Variants in PRKG1 observed in about 807,000 individuals in gnomAD.
PRKG1 encodes the protein cGMP-dependent protein kinase 1.
PRKG1 carries 35 observed loss-of-function variants against 88.1 expected under a neutral mutation model. That is an observed-to-expected ratio of 0.40 (90% confidence interval 0.30 to 0.53). The LOEUF (loss-of-function observed/expected upper bound fraction) is 0.53, where lower values mean the gene tolerates loss of function less well. Among genes scored for constraint, PRKG1 ranks in the 20% least tolerant of loss-of-function variants. The pLI is 0.59. For missense variants in PRKG1, 540 were observed against 839.8 expected, an observed-to-expected ratio of 0.64 and a Z score of 4.41; for synonymous variants, 303 against 292.5, an observed-to-expected ratio of 1.04 and a Z score of -0.37.
intron 1 of PRKG1, among the ~76,000 whole-genome samples, chr10:51,076,582 A>G (rs189018918): frequency 6.6e-5 from 10 of 152,344 alleles, no homozygotes; most frequent in African/African-American, 2.4e-4. Flanking sequence ...CCACTTTAAT[A>G]GGTTTCATAG....
intron 2 of PRKG1, among the ~76,000 whole-genome samples, chr10:51,325,669 T>C (rs1357883397): frequency 6.6e-6 from 1 of 152,226 alleles, no homozygotes; most frequent in Non-Finnish European, 1.5e-5. Flanking sequence ...TTGTAGGTCT[T>C]ACCCAAAAAA....
intron 1 of PRKG1, among the ~76,000 whole-genome samples, chr10:51,017,298 A>G (rs1843080060): frequency 1.3e-5 from 2 of 152,040 alleles, no homozygotes; most frequent in African/African-American, 4.8e-5. Flanking sequence ...TTTTTTTACA[A>G]ATTTTCCGTT....
chr10:51,720,754 A>G (rs971846202), intron 3 of PRKG1, among the ~76,000 whole-genome samples: 5 of 152,138 alleles, frequency 3.3e-5, no homozygotes, highest in African/African-American at 1.2e-4. Context: ...ATTTTAGAAC[A>G]CACACTCTTA....
At chr10:51,277,792 C>T (rs1347309144) in intron 2 of PRKG1, among the ~76,000 whole-genome samples, 1 of 152,174 alleles carries the variant, frequency 6.6e-6, no homozygotes, top group African/African-American at 2.4e-5. Context: ...GTGATTTTTG[C>T]ACATTGATTT....
At chr10:51,323,311 A>G (rs1180200492) in intron 2 of PRKG1, among the ~76,000 whole-genome samples, 1 of 152,238 alleles carries the variant, frequency 6.6e-6, no homozygotes, top group Non-Finnish European at 1.5e-5. Context: ...AGATTACAAA[A>G]ATCAAGGCAA....
At chr10:51,176,431 A>G (rs1012480816) in intron 2 of PRKG1, among the ~76,000 whole-genome samples, 1 of 152,148 alleles carries the variant, frequency 6.6e-6, no homozygotes, top group Non-Finnish European at 1.5e-5. Flanking sequence ...GCCAGGCACC[A>G]TGCTAGATGC....
chr10:51,593,533 G>A (rs572904097), intron 3 of PRKG1, among the ~76,000 whole-genome samples: 33 of 152,128 alleles, frequency 2.2e-4, no homozygotes, highest in Middle Eastern at 6.8e-3. Flanking sequence ...TTTGGAAGAG[G>A]GCTCTGACAT....
intron 4 of PRKG1, among the ~76,000 whole-genome samples, chr10:51,905,253 C>T (rs1471020199): frequency 1.3e-5 from 2 of 152,158 alleles, no homozygotes; most frequent in Non-Finnish European, 2.9e-5. Context: ...CAGACCATAG[C>T]AGTAAATCTG....
chr10:51,415,120 ATCAGTAGT>A (rs1247183867), intron 2 of PRKG1, among the ~76,000 whole-genome samples: 2 of 152,176 alleles, frequency 1.3e-5, no homozygotes, highest in Non-Finnish European at 2.9e-5. Flanking sequence ...AGTCAGCGTG[ATCAGTAGT>A]TCAGGCAGTC....
intron 5 of PRKG1, among the ~76,000 whole-genome samples, chr10:51,928,201 A>T (rs886461377): frequency 3.3e-5 from 5 of 152,312 alleles, no homozygotes; most frequent in African/African-American, 1.2e-4. Flanking sequence ...AATAAAGAAC[A>T]ATTATGGTAC....
intron 3 of PRKG1, among the ~76,000 whole-genome samples, chr10:51,687,514 T>G (rs534358158): frequency 6.6e-6 from 1 of 152,294 alleles, no homozygotes; most frequent in Admixed American, 6.5e-5. Context: ...CTCTGTGTGA[T>G]GTTAGGCAAT....
intron 1 of PRKG1, among the ~76,000 whole-genome samples, chr10:51,104,327 T>G (rs1844765234): frequency 6.6e-6 from 1 of 152,212 alleles, no homozygotes; most frequent in Admixed American, 6.5e-5. Flanking sequence ...ATGGTTTGAC[T>G]CTTTGTACAA....
At chr10:51,775,118 T>C (rs184599779) in intron 3 of PRKG1, among the ~76,000 whole-genome samples, 165 of 152,274 alleles carry the variant, frequency 1.1e-3, no homozygotes, top group African/African-American at 3.9e-3. Context: ...ATTACTTTTG[T>C]ATTTTGAAAA....
intron 3 of PRKG1, among the ~76,000 whole-genome samples, chr10:51,627,929 T>TCTTCCTTC (rs1193939359): frequency 0.019 from 778 of 41,564 alleles, 34 homozygotes; most frequent in Admixed American, 0.042. Flanking sequence ...TCCCTTCCTT[T>TCTTCCTTC]CTTCCTTCCT....
At chr10:51,311,644 T>C (rs1312585904) in intron 2 of PRKG1, among the ~76,000 whole-genome samples, 1 of 152,250 alleles carries the variant, frequency 6.6e-6, no homozygotes, top group Non-Finnish European at 1.5e-5. Flanking sequence ...AAAGTGTTCA[T>C]AAATCTGTAG....
Position 51,829,093 on chromosome 10 carries a change from T to C in PRKG1, c.698+24403T>C, listed in dbSNP as rs561344903. ...AAGCCTCAACTGGAGAAGGAGGGTG[T>C]GAGAATCTGCTTCAAGCTCATTCAT... On this transcript the variant is annotated intron_variant, in intron 4 of 17. Transcript: ENST00000373980. 5.9e-5 allele frequency among the ~76,000 whole-genome samples: 9 copies of C among 152,254 alleles called. No homozygotes were observed. In the East Asian group the frequency reaches 1.7e-3, roughly 29 times the overall value.
chr10:51,841,884 C>T (rs111810869), intron 4 of PRKG1, among the ~76,000 whole-genome samples: 17,337 of 152,076 alleles, frequency 0.11, 1,130 homozygotes, highest in African/African-American at 0.18. Flanking sequence ...GGTTTTACCA[C>T]GCTGGCCAGG....
rs1486281136 is a variant in PRKG1, at chr10:51,532,053, ATGTT to A, written c.592+64218_592+64221del. On this transcript the variant is annotated intron_variant, in intron 3 of 17. Transcript: ENST00000373980. ...CCAGTTCATCTCAATTTTGCTCACT[ATGTT>A]AGCAGAGTATGTCTCACTTGTCTAC... Among the ~76,000 whole-genome samples, 384 of 152,164 alleles carry A rather than the reference ATGTT, an allele frequency of 2.5e-3. 2 individuals carry two copies. Among genetic ancestry groups the A allele is most frequent in the African/African-American group, 8.9e-3 (370 of 41,546 alleles).
chr10:51,218,490 CATATATAT>C (rs869105973), intron 2 of PRKG1, among the ~76,000 whole-genome samples: 33 of 40,776 alleles, frequency 8.1e-4, no homozygotes, highest in Admixed American at 2.3e-3. Flanking sequence ...CATCTATCTT[CATATATAT>C]ATATATATAT....
Sources: allele counts gnomAD v4.1 joint callset (sites outside exome capture counted in the v4.1 genomes callset), GRCh38; gene constraint gnomAD v4.1.1; transcripts MANE v1.5; gene names NCBI Gene and HGNC (gene_info 2026-07-23, HGNC 2026-07-21).